Variants in FBXO30 observed in about 807,000 individuals in gnomAD.
FBXO30 encodes the protein F-box only protein 30.
A neutral mutation model predicts 58.1 loss-of-function variants in FBXO30; 21 were observed. The observed-to-expected ratio is 0.36, with a 90% confidence interval of 0.26 to 0.52. The LOEUF is 0.52. FBXO30 is among the 20% of genes least tolerant of loss of function. The probability of loss-of-function intolerance (pLI) is 0.93; values close to 1 mark genes in which losing one functional copy is unlikely to be tolerated. For synonymous variants in FBXO30, 309 were observed against 312.4 expected (o/e 0.99, Z 0.11); for missense variants, 744 against 897.3 (o/e 0.83, Z 2.18).
In FBXO30 at chr6:145,805,092, TG is replaced by T; in HGVS notation, c.1313del (p.Pro438GlnfsTer31). 1 of 1,614,082 alleles carries T rather than the reference TG, an allele frequency of 6.2e-7. No homozygotes were observed. ...AALLFCLGDS[P>X]GGRGISDSRM... is the part of the protein sequence containing the mutation. ...GGCTATCAGATATACCCCTCCCTCC[TG>T]GAGAATCTCCTAGACAAAAAAGCAA... On this transcript the variant is annotated frameshift_variant, in exon 2 of 3. Transcript: ENST00000237281. LOFTEE classifies it high-confidence loss of function.
chr6:145,814,424 G>C (rs1370831608), intron 1 of FBXO30, among the ~76,000 whole-genome samples, 179 bp downstream of exon 1: 2 of 152,026 alleles, frequency 1.3e-5, no homozygotes, highest in Non-Finnish European at 2.9e-5. Flanking sequence ...GCCGACCCGG[G>C]ACGCGCATGG....
intron 1 of FBXO30, among the ~76,000 whole-genome samples, chr6:145,814,137 G>A (rs1778425484): frequency 6.6e-6 from 1 of 152,140 alleles, no homozygotes; most frequent in Admixed American, 6.5e-5. Context: ...TGCTCATCCC[G>A]TGCAGACAGT....
Position 145,805,745 on chromosome 6 carries a change from G to C in FBXO30, c.661C>G (p.Gln221Glu), listed in dbSNP as rs1171343210. 2 of 1,613,996 alleles carry C rather than the reference G, an allele frequency of 1.2e-6. No homozygotes were observed. Among genetic ancestry groups the C allele is most frequent in the East Asian group, 2.2e-5 (1 of 44,864 alleles). Residue 221 changes from glutamine to glutamate, a missense_variant, in exon 2 of 3, where the codon CAG becomes GAG. Gln to Glu is a conservative substitution (Grantham distance 29, BLOSUM62 2). This residue lies in a region of FBXO30 where 275 missense variants were observed against 262.0 expected (regional missense o/e 1.05). Coordinates refer to ENST00000237281, the MANE Select transcript of FBXO30 (RefSeq NM_032145.5). ...NTSVPNDMDEQQNARESLEDQ... is the reference protein window; with the variant it reads ...NTSVPNDMDEEQNARESLEDQ... ...TCTAAGCTTTCTCTCGCATTTTGCT[G>C]TTCATCCATGTCATTTGGGACACTT...
rs1777915347 is a variant in FBXO30, at chr6:145,798,712, GCTTAAGGAACGCCT to G, written c.*1380_*1393del. ...ATCTTAAGCTTCAGAACTCTCTAAT[GCTTAAGGAACGCCT>G]CTGCCTGATTGCCATATAAGGGAAT... On this transcript the variant is annotated 3_prime_UTR_variant, in exon 3 of 3. Coordinates refer to ENST00000237281, the MANE Select transcript of FBXO30 (RefSeq NM_032145.5). 1.3e-5 allele frequency: 2 copies of G among 152,190 alleles called. No homozygotes were observed. The highest frequency in any genetic ancestry group is 1.3e-4 in the Admixed American group (2 of 15,224). 9.4% of individuals were successfully genotyped at this position (152,190 alleles called of 1,614,324 possible). A position where few individuals can be genotyped will look rare whatever the true frequency, so the allele number is the denominator to read the frequency against.
In FBXO30 at chr6:145,804,995, T is replaced by C. The variant is rs370994230; in HGVS notation, c.1411A>G (p.Ser471Gly). 8.1e-6 allele frequency: 13 copies of C among 1,613,756 alleles called. No individual in the cohort carries two copies. In the African/African-American group the frequency reaches 1.6e-4, roughly 20 times the overall value. ...GAAGCTATCTCCCCAACCATTGTAC[T>C]TGTAGCTAATATTGCAGATGGAAGT... ...FSLPSAILAT[S>G]TMVGEIASAS... The change falls in exon 2 of 3, where the codon AGT becomes GGT. Residue 471 changes from serine to glycine, a missense_variant. Coordinates refer to ENST00000237281, the MANE Select transcript of FBXO30 (RefSeq NM_032145.5).
rs1778095319 is a variant in FBXO30 at position 145,804,280 on chromosome 6, C to A, written c.2034+92G>T. 8.6e-6 allele frequency: 10 copies of A among 1,164,284 alleles called. No individual in the cohort carries two copies. In the South Asian group the frequency reaches 1.4e-4, roughly 17 times the overall value. The allele number at this position is 1,164,284 out of a possible 1,614,324, so 72.1% of individuals were successfully genotyped here. A position where few individuals can be genotyped will look rare whatever the true frequency, so the allele number is the denominator to read the frequency against. On this transcript the variant is annotated intron_variant, in intron 2 of 2. Coordinates refer to ENST00000237281, the MANE Select transcript of FBXO30 (RefSeq NM_032145.5). ...GATTTAGTAAGTTTTAGGGAATGGT[C>A]AATTTCTCAACAAGATATTAATTGT...
chr6:145,805,065 G>A lies in FBXO30; in HGVS notation c.1341C>T (p.Arg447=), dbSNP rs1226339266. ...SPGGRGISDS[R]MADIYHIDVG... is the part of the protein sequence containing the mutation. The stretch of plus-strand genomic sequence containing the variant: ...CGTCAATGTGATAAATATCAGCCAT[G>A]CGGCTATCAGATATACCCCTCCCTC... The change falls in exon 2 of 3, where the codon CGC becomes CGT. Residue 447 remains arginine (R), a synonymous_variant. Coordinates refer to ENST00000237281, the MANE Select transcript of FBXO30 (RefSeq NM_032145.5). The A allele has an allele frequency of 6.2e-7, 1 of 1,614,024 alleles. No individual in the cohort carries two copies. Among genetic ancestry groups the A allele is most frequent in the East Asian group, 2.2e-5 (1 of 44,876 alleles).
rs1284194573 is a variant in FBXO30 at position 145,796,186 on chromosome 6, C to G, written c.*3920G>C. The G allele has an allele frequency of 6.6e-6, 1 of 151,946 alleles. No homozygotes were observed. Among genetic ancestry groups the G allele is most frequent in the Admixed American group, 6.6e-5 (1 of 15,228 alleles). The allele number at this position is 151,946 out of a possible 1,614,324, so 9.4% of individuals were successfully genotyped here. ...AATTCAAATTTGAAAGGTTTTATCTCTTGATCTCACTTTAATCTTTTAAAT... is the reference window on the plus strand; with the variant it reads ...AATTCAAATTTGAAAGGTTTTATCTGTTGATCTCACTTTAATCTTTTAAAT... On this transcript the variant is annotated 3_prime_UTR_variant, in exon 3 of 3. Coordinates refer to ENST00000237281, the MANE Select transcript of FBXO30 (RefSeq NM_032145.5).
At chr6:145,811,567 A>G (rs960659379) in intron 1 of FBXO30, among the ~76,000 whole-genome samples, 3 of 152,232 alleles carry the variant, frequency 2.0e-5, no homozygotes, top group Non-Finnish European at 4.4e-5. Context: ...CAATTACTGG[A>G]AAAATAATGA....
In FBXO30 at chr6:145,799,867, T is replaced by C. The variant is rs1348621091; in HGVS notation, c.*239A>G. 3.5e-6 allele frequency: 1 copy of C among 285,480 alleles called. No individual in the cohort carries two copies. The highest frequency in any genetic ancestry group is 6.8e-5 in the East Asian group (1 of 14,802). 17.7% of individuals were successfully genotyped at this position (285,480 alleles called of 1,614,324 possible). The stretch of plus-strand genomic sequence containing the variant: ...GAAAATACTAATTCTTAAAATTATG[T>C]AGCTAAAAATTAAATCACCCTGTCC... On this transcript the variant is annotated 3_prime_UTR_variant, in exon 3 of 3. Transcript: ENST00000237281.
intron 1 of FBXO30, among the ~76,000 whole-genome samples, chr6:145,807,691 T>G (rs773746075): frequency 6.6e-6 from 1 of 152,204 alleles, no homozygotes; most frequent in African/African-American, 2.4e-5. Flanking sequence ...AAGAAAAGTT[T>G]TATATGAAAA....
Position 145,795,481 on chromosome 6 carries a change from A to G in FBXO30, c.*4625T>C, listed in dbSNP as rs1777852102. 1 of 151,906 alleles carries G rather than the reference A, an allele frequency of 6.6e-6. No individual in the cohort carries two copies. The highest frequency in any genetic ancestry group is 1.5e-5 in the Non-Finnish European group (1 of 67,810). 9.4% of individuals were successfully genotyped at this position (151,906 alleles called of 1,614,324 possible). ...TAAATTTTTACCCAGTATTTGCCTT[A>G]TGTTGTCAGTTCACTTCAAAAATGT... On this transcript the variant is annotated 3_prime_UTR_variant, in exon 3 of 3. Transcript: ENST00000237281.
rs562470761 is a variant in FBXO30 at position 145,797,638 on chromosome 6, G to C, written c.*2468C>G. ...GGACCACACTTTAGGAACCACTGCT[G>C]TAAGATCTGTGAGTCTCAAAATCTA... On this transcript the variant is annotated 3_prime_UTR_variant, in exon 3 of 3. Transcript: ENST00000237281. The C allele has an allele frequency of 9.2e-5, 14 of 152,138 alleles. No individual in the cohort carries two copies. The highest frequency in any genetic ancestry group is 2.9e-4 in the African/African-American group (12 of 41,534). 9.4% of individuals were successfully genotyped at this position (152,138 alleles called of 1,614,324 possible).
chr6:145,805,313 A>G lies in FBXO30; in HGVS notation c.1093T>C (p.Leu365=), dbSNP rs1407377774. ...CCTAAGTCTACTTTTTTCCAACACA[A>G]TTCACCTTCACCTTCATCATCTGGC... is the stretch of plus-strand genomic sequence containing the variant. The part of the protein sequence containing the change: ...LMPDDEGEGE[L]CWKKVDLGDV... Residue 365 remains leucine, a synonymous_variant, in exon 2 of 3, where the codon TTG becomes CTG. Coordinates refer to ENST00000237281, the MANE Select transcript of FBXO30 (RefSeq NM_032145.5). The G allele has an allele frequency of 1.9e-6, 3 of 1,613,990 alleles. No homozygotes were observed. The highest frequency in any genetic ancestry group is 1.1e-5 in the South Asian group (1 of 91,078).
intron 1 of FBXO30, among the ~76,000 whole-genome samples, chr6:145,811,089 G>C (rs1212186593): frequency 6.6e-6 from 1 of 152,152 alleles, no homozygotes; most frequent in Non-Finnish European, 1.5e-5. Flanking sequence ...CCACAGGAAA[G>C]CTATAAGCTC....
intron 1 of FBXO30, among the ~76,000 whole-genome samples, chr6:145,810,452 G>A (rs1332246432): frequency 6.6e-6 from 1 of 152,160 alleles, no homozygotes; most frequent in Non-Finnish European, 1.5e-5. Flanking sequence ...TCAGTTAACA[G>A]TGACACAGTA....
intron 1 of FBXO30, chr6:145,811,818 C>G (rs73784319): frequency 7.7e-4 from 118 of 152,298 alleles, no homozygotes; most frequent in Middle Eastern, 3.4e-3. Flanking sequence ...ACCATTTCTA[C>G]AAGTTAAGTC....
At chr6:145,811,515 A>G (rs984251338) in intron 1 of FBXO30, among the ~76,000 whole-genome samples, 2 of 152,194 alleles carry the variant, frequency 1.3e-5, no homozygotes, top group African/African-American at 2.4e-5. Context: ...CATTTACCTT[A>G]TATTTTTCCA....
At chr6:145,802,914 T>C (rs1228023877) in intron 2 of FBXO30, among the ~76,000 whole-genome samples, 1 of 152,110 alleles carries the variant, frequency 6.6e-6, no homozygotes, top group Admixed American at 6.6e-5. Flanking sequence ...CCTAAATTCC[T>C]GGTTTAGGAA....
Sources: gnomAD v4.1 joint callset for allele counts (sites outside exome capture counted in the v4.1 genomes callset) on GRCh38, gnomAD v4.1.1 for gene constraint, gnomAD v4.1.1 regional missense constraint, MANE v1.5 for transcripts, NCBI Gene and HGNC (gene_info 2026-07-23, HGNC 2026-07-21) for gene names.